The following EYS variants were observed in gnomAD, a reference collection of about 807,000 sequenced individuals.
EYS encodes EGF-like photoreceptor maintenance factor, also known as protein eyes shut homolog.
In EYS, 250 loss-of-function variants were observed where a neutral mutation model predicts 282.1. The ratio of observed to expected loss-of-function variants is 0.89; its 90% CI spans 0.80 to 0.98. The LOEUF (loss-of-function observed/expected upper bound fraction) is 0.98. Among genes scored for constraint, EYS ranks in the 50% least tolerant of loss-of-function variants. The pLI, the probability that EYS is intolerant of heterozygous loss-of-function variation, is 0.00. For synonymous variants in EYS, 1,355 were observed against 1,282.9 expected (o/e 1.06, Z -1.20); for missense variants, 4,016 against 3,709.0 (o/e 1.08, Z -2.15).
intron 31 of EYS, among the ~76,000 whole-genome samples, chr6:64,221,944 C>T (rs970963480): frequency 2.0e-5 from 3 of 151,850 alleles, no homozygotes; most frequent in African/African-American, 7.3e-5. Flanking sequence ...GTAGTGGGGA[C>T]TACTGTAATC....
At chr6:64,104,402 G>A (rs555975194) in intron 31 of EYS, among the ~76,000 whole-genome samples, 1 of 152,178 alleles carries the variant, frequency 6.6e-6, no homozygotes, top group South Asian at 2.1e-4. Context: ...GTATGTACAT[G>A]TGCAATAGCT....
At chr6:65,183,521 A>C (rs1334899507) in intron 12 of EYS, among the ~76,000 whole-genome samples, 3 of 151,890 alleles carry the variant, frequency 2.0e-5, no homozygotes, top group Admixed American at 6.6e-5. Flanking sequence ...AGTACTAAAA[A>C]GTTTATTTGG....
At chr6:64,272,663 C>T (rs915225264) in intron 30 of EYS, among the ~76,000 whole-genome samples, 7 of 152,192 alleles carry the variant, frequency 4.6e-5, no homozygotes, top group Middle Eastern at 3.4e-3. Flanking sequence ...GATGTGCTTC[C>T]TTTAGGGATT....
intron 36 of EYS, among the ~76,000 whole-genome samples, chr6:63,834,889 C>A (rs572289458): frequency 1.3e-5 from 2 of 151,748 alleles, no homozygotes; most frequent in South Asian, 4.2e-4. Context: ...AGGATGAGTT[C>A]ATGTCCTTTG....
rs1582395747 is a variant in EYS at position 64,184,547 on chromosome 6, A to G, written c.6424+46045T>C. Among the ~76,000 whole-genome samples, 4 of 142,592 alleles carry G rather than the reference A, an allele frequency of 2.8e-5. No homozygotes were observed. The Admixed American group carries it at 2.9e-4, about 10-fold the overall frequency. The allele number at this position is 142,592 out of a possible 152,430, so 93.5% of individuals were successfully genotyped here. On this transcript the variant is annotated intron_variant, in intron 31 of 42. Transcript: ENST00000503581. ...TTGAACTGTATTTTAATAAAAAGTC[A>G]CCATTATGCAAAAAAAAAAAATGCA...
intron 15 of EYS, among the ~76,000 whole-genome samples, chr6:64,938,335 T>A (rs1768977776): frequency 6.7e-6 from 1 of 149,136 alleles, no homozygotes; most frequent in African/African-American, 2.5e-5. Context: ...AATAAGATAT[T>A]TTGAGAGAGA....
chr6:64,074,381 C>A (rs1450974961), intron 32 of EYS, among the ~76,000 whole-genome samples: 1 of 151,102 alleles, frequency 6.6e-6, no homozygotes, highest in African/African-American at 2.4e-5. Context: ...CATGGAGAAA[C>A]AATGATATTC....
rs532048134 is a variant in EYS at position 64,491,968 on chromosome 6, G to T, written c.5645-52616C>A. On this transcript the variant is annotated intron_variant, in intron 26 of 42. Coordinates refer to ENST00000503581, the MANE Select transcript of EYS (RefSeq NM_001142800.2). The stretch of plus-strand genomic sequence containing the variant: ...TTAATGCCAAGAGATTTTAATCATA[G>T]AACTTCAAGCCTGGAATGTACAGCA... 6.0e-5 allele frequency among the ~76,000 whole-genome samples: 9 copies of T among 150,962 alleles called. 1 individual carries two copies. Among genetic ancestry groups the T allele is most frequent in the Non-Finnish European group, 1.3e-4 (9 of 67,312 alleles).
chr6:63,962,421 CAAAG>C (rs1766109269), intron 35 of EYS, among the ~76,000 whole-genome samples: 1 of 152,004 alleles, frequency 6.6e-6, no homozygotes, highest in South Asian at 2.1e-4. Flanking sequence ...AAGAAAAAAA[CAAAG>C]AACCCCATCA....
chr6:64,603,790 T>C (rs1208134809), intron 24 of EYS, among the ~76,000 whole-genome samples: 3 of 151,188 alleles, frequency 2.0e-5, no homozygotes, highest in Middle Eastern at 3.4e-3. Context: ...ATGGATTATA[T>C]AGATAGTACT....
At position 64,642,927 on chromosome 6, in the gene EYS, C is replaced by T. The variant is rs548497813; in HGVS notation, c.3444-16682G>A. Among the ~76,000 whole-genome samples the T allele has an allele frequency of 4.6e-5, 7 of 152,240 alleles. 1 individual carries two copies. The South Asian group carries it at 1.2e-3, about 27-fold the overall frequency. ...GGTCAGGAGTTCGAGACCAGCATGA[C>T]CAACATGGAGAAACCCCGTCTCTAC... is the stretch of plus-strand genomic sequence containing the variant. On this transcript the variant is annotated intron_variant, in intron 22 of 42. Coordinates refer to ENST00000503581, the MANE Select transcript of EYS (RefSeq NM_001142800.2).
At chr6:63,729,418 C>T (rs1768722847) in intron 41 of EYS, among the ~76,000 whole-genome samples, 1 of 151,726 alleles carries the variant, frequency 6.6e-6, no homozygotes, top group South Asian at 2.1e-4. Context: ...TAGATTTTCT[C>T]TTATATTTTC....
At chr6:64,859,637 C>T (rs1426285136) in intron 19 of EYS, among the ~76,000 whole-genome samples, 4 of 152,130 alleles carry the variant, frequency 2.6e-5, no homozygotes. Context: ...AGTTTCCCTG[C>T]ACAACCTCTC....
intron 12 of EYS, among the ~76,000 whole-genome samples, chr6:65,148,313 C>T (rs1764528366): frequency 6.6e-6 from 1 of 152,112 alleles, no homozygotes; most frequent in South Asian, 2.1e-4. Context: ...TGTAAACACA[C>T]CTATTCCAAA....
chr6:65,697,979 A>C (rs1355475524), intron 1 of EYS, among the ~76,000 whole-genome samples: 1 of 151,440 alleles, frequency 6.6e-6, no homozygotes, highest in Non-Finnish European at 1.5e-5. Flanking sequence ...TTATTTCACA[A>C]AGAGTGGCTT....
At chr6:65,418,936 T>C (rs988664570) in intron 5 of EYS, among the ~76,000 whole-genome samples, 1 of 152,004 alleles carries the variant, frequency 6.6e-6, no homozygotes, top group Non-Finnish European at 1.5e-5. Context: ...TACATCTAAT[T>C]TTATTTTCAT....
intron 20 of EYS, 119 bp downstream of exon 20, chr6:64,822,532 T>A: frequency 1.2e-6 from 1 of 841,284 alleles, no homozygotes; most frequent in Non-Finnish European, 1.8e-6. Flanking sequence ...TGTACTTAGC[T>A]CTTGTTTTAT....
At chr6:64,051,869 A>G (rs2149844739) in intron 33 of EYS, among the ~76,000 whole-genome samples, 1 of 152,274 alleles carries the variant, frequency 6.6e-6, no homozygotes, top group Non-Finnish European at 1.5e-5. Flanking sequence ...GAGAGGGGAA[A>G]GATAAAGGTA....
intron 13 of EYS, among the ~76,000 whole-genome samples, chr6:65,045,436 A>G (rs945527191): frequency 2.6e-5 from 4 of 151,832 alleles, no homozygotes; most frequent in African/African-American, 9.7e-5. Flanking sequence ...CCAATGTGAA[A>G]GTTTTGGAGA....
Sources: gnomAD v4.1 joint callset for allele counts (sites outside exome capture counted in the v4.1 genomes callset) on GRCh38, gnomAD v4.1.1 for gene constraint, MANE v1.5 for transcripts, NCBI Gene and HGNC (gene_info 2026-07-23, HGNC 2026-07-21) for gene names.